Variants in HECW2 observed in about 807,000 individuals in gnomAD.
HECW2 encodes E3 ubiquitin-protein ligase HECW2.
Under a neutral mutation model 175.2 loss-of-function variants are expected in HECW2, and 61 were observed. The ratio of observed to expected loss-of-function variants is 0.35; its 90% CI spans 0.28 to 0.43. HECW2 has a LOEUF of 0.43. HECW2 is among the 20% of genes least tolerant of loss of function. The probability of loss-of-function intolerance (pLI) is 1.00; values close to 1 mark genes in which losing one functional copy is unlikely to be tolerated. For missense variants in HECW2, 1,524 were observed against 2,000.5 expected, an observed-to-expected ratio of 0.76 and a Z score of 4.54; for synonymous variants, 671 against 731.0, an observed-to-expected ratio of 0.92 and a Z score of 1.32.
intron 1 of HECW2, among the ~76,000 whole-genome samples, chr2:196,462,920 C>T (rs192176145): frequency 2.0e-5 from 3 of 152,256 alleles, no homozygotes; most frequent in African/African-American, 7.2e-5. Context: ...ATCCCCTGGT[C>T]CGGGGAGACT....
chr2:196,520,240 AT>A, intron 1 of HECW2, among the ~76,000 whole-genome samples: 1 of 149,682 alleles, frequency 6.7e-6, no homozygotes, highest in African/African-American at 2.5e-5. Context: ...TATATTTGCA[AT>A]TTTTCTGTCA....
chr2:196,330,132 T>C (rs1210171005), intron 4 of HECW2, among the ~76,000 whole-genome samples: 2 of 152,218 alleles, frequency 1.3e-5, no homozygotes, highest in Admixed American at 6.5e-5. Context: ...ATCTCCCTTG[T>C]AGGCTTGTGT....
intron 2 of HECW2, among the ~76,000 whole-genome samples, chr2:196,404,819 CTTTTTTTTTT>C (rs71012909): frequency 1.2e-5 from 1 of 80,378 alleles, no homozygotes; most frequent in Non-Finnish European, 2.2e-5. Flanking sequence ...TTTTTCTTCT[CTTTTTTTTTT>C]TTTTTTTTTT....
intron 2 of HECW2, among the ~76,000 whole-genome samples, chr2:196,360,810 A>G (rs1693561509): frequency 1.3e-5 from 2 of 152,236 alleles, no homozygotes. Context: ...CTGCTTTATC[A>G]GAAGATCAGT....
At chr2:196,418,578 G>C (rs1244522835) in intron 2 of HECW2, among the ~76,000 whole-genome samples, 1 of 152,058 alleles carries the variant, frequency 6.6e-6, no homozygotes, top group Non-Finnish European at 1.5e-5. Context: ...ATAACTTTCA[G>C]GAAAACATCT....
At chr2:196,585,613 G>T (rs1366114995) in intron 1 of HECW2, among the ~76,000 whole-genome samples, 3 of 152,084 alleles carry the variant, frequency 2.0e-5, no homozygotes, top group African/African-American at 7.2e-5. Flanking sequence ...TGATACAGAA[G>T]ATGAGCTCTT....
chr2:196,497,241 T>G (rs1368942938), intron 1 of HECW2, among the ~76,000 whole-genome samples: 2 of 152,212 alleles, frequency 1.3e-5, no homozygotes, highest in African/African-American at 4.8e-5. Context: ...CCTGGTCTCT[T>G]TTTCTGCTGG....
rs754616780 is a variant in HECW2, at chr2:196,319,087, G to C, written c.1803C>G (p.Leu601=). The C allele has an allele frequency of 2.6e-5, 42 of 1,603,806 alleles. No homozygotes were observed. Among genetic ancestry groups the C allele is most frequent in the Non-Finnish European group, 3.6e-5 (42 of 1,175,248 alleles). The change falls in exon 9 of 29, where the codon CTC becomes CTG. Residue 601 remains leucine (L), a synonymous_variant. Transcript: ENST00000644978. The stretch of plus-strand genomic sequence containing the variant: ...CCTGGGAAGGCTCAGAGCCCTGATC[G>C]AGAGACTCGGTCTCACTGACGGCTC... ...SRRAVSETES[L]DQGSEPSQVS...
chr2:196,336,016 A>G (rs1002384057), intron 3 of HECW2, among the ~76,000 whole-genome samples: 2 of 152,208 alleles, frequency 1.3e-5, no homozygotes, highest in Non-Finnish European at 2.9e-5. Context: ...GAGAGAGGAC[A>G]TGGTGGAGTC....
chr2:196,344,850 G>A (rs1484935189), intron 2 of HECW2, among the ~76,000 whole-genome samples: 2 of 152,174 alleles, frequency 1.3e-5, no homozygotes, highest in Non-Finnish European at 2.9e-5. Flanking sequence ...GAAAGATGGA[G>A]AAAAGGTCCC....
In HECW2 at chr2:196,451,445, A is replaced by AAG. The variant is rs1553518897; in HGVS notation, c.-35-17988_-35-17987insCT. ...AGACTCCGTCTCAAAAAAAAAAAAA[A>AAG]AAAAGAAAAGAAATGTGGGGTAAAG... On this transcript the variant is annotated intron_variant, in intron 1 of 28. Coordinates refer to ENST00000644978, the MANE Select transcript of HECW2 (RefSeq NM_001348768.2). 7.7e-4 allele frequency among the ~76,000 whole-genome samples: 112 copies of AAG among 145,890 alleles called. 1 individual carries two copies. Among genetic ancestry groups the AAG allele is most frequent in the Non-Finnish European group, 7.2e-4 (49 of 67,810 alleles).
chr2:196,512,429 T>G (rs556465081), intron 1 of HECW2, among the ~76,000 whole-genome samples: 5 of 152,292 alleles, frequency 3.3e-5, no homozygotes, highest in African/African-American at 1.2e-4. Flanking sequence ...AGTCTCACTG[T>G]CACCCAGGTT....
chr2:196,515,283 C>T (rs927691656), intron 1 of HECW2, among the ~76,000 whole-genome samples: 1 of 152,228 alleles, frequency 6.6e-6, no homozygotes, highest in African/African-American at 2.4e-5. Flanking sequence ...GCTCTGCACC[C>T]GGCTTGGCAG....
At chr2:196,258,968 CT>C (rs904996547) in intron 17 of HECW2, among the ~76,000 whole-genome samples, 1 of 152,098 alleles carries the variant, frequency 6.6e-6, no homozygotes, top group African/African-American at 2.4e-5. Flanking sequence ...CAAAGTTCCA[CT>C]GATTTTTTTG....
In HECW2 at chr2:196,374,577, A is replaced by G. The variant is rs570338381; in HGVS notation, c.293-30813T>C. ...TCTCTTATCTTTCTACATCCTCTGC[A>G]CTGCCCTTGCAAATCTATCTTTAAT... On this transcript the variant is annotated intron_variant, in intron 2 of 28. Coordinates refer to ENST00000644978, the MANE Select transcript of HECW2 (RefSeq NM_001348768.2). 2.2e-4 allele frequency among the ~76,000 whole-genome samples: 34 copies of G among 152,366 alleles called. 1 individual carries two copies. The highest frequency in any genetic ancestry group is 7.9e-4 in the African/African-American group (33 of 41,574).
chr2:196,562,294 T>A (rs1690028238), intron 1 of HECW2, among the ~76,000 whole-genome samples: 2 of 152,216 alleles, frequency 1.3e-5, no homozygotes, highest in African/African-American at 4.8e-5. Context: ...ATACTAAATT[T>A]CTTACATGTA....
intron 1 of HECW2, among the ~76,000 whole-genome samples, chr2:196,544,822 CAG>C (rs145512902): frequency 0.012 from 1,824 of 152,230 alleles, 39 homozygotes; most frequent in African/African-American, 0.042. Context: ...CAGTAAAGAA[CAG>C]GGGCTGGGGG....
intron 14 of HECW2, among the ~76,000 whole-genome samples, chr2:196,285,756 A>C (rs936261024): frequency 5.9e-5 from 9 of 152,256 alleles, no homozygotes; most frequent in Non-Finnish European, 1.0e-4. Context: ...TCAGTAAAAA[A>C]ATCGTCATGC....
At chr2:196,485,053 A>G (rs1040635463) in intron 1 of HECW2, among the ~76,000 whole-genome samples, 1 of 152,176 alleles carries the variant, frequency 6.6e-6, no homozygotes, top group African/African-American at 2.4e-5. Context: ...AGCAAGGAGG[A>G]AGGGCCAACA....
Sources: allele counts gnomAD v4.1 joint callset (sites outside exome capture counted in the v4.1 genomes callset), GRCh38; gene constraint gnomAD v4.1.1; transcripts MANE v1.5; gene names NCBI Gene and HGNC (gene_info 2026-07-23, HGNC 2026-07-21).